Variants in CEP250 observed in about 807,000 individuals in gnomAD.
CEP250 encodes centrosome-associated protein CEP250.
Under a neutral mutation model 315.7 loss-of-function variants are expected in CEP250, and 242 were observed. The observed-to-expected ratio is 0.77, with a 90% confidence interval of 0.69 to 0.85. CEP250 has a LOEUF of 0.85. Ranked by LOEUF, CEP250 falls within the 40% of genes least tolerant of loss-of-function variation. CEP250 has a pLI of 0.00. For missense variants in CEP250, 2,515 were observed against 2,886.4 expected (o/e 0.87, Z 2.95); for synonymous variants, 1,088 against 1,175.0 (o/e 0.93, Z 1.51).
chr20:35,499,226 G>T (rs1232362554), intron 27 of CEP250, among the ~76,000 whole-genome samples: 1 of 152,200 alleles, frequency 6.6e-6, no homozygotes, highest in Non-Finnish European at 1.5e-5. Flanking sequence ...AGTGAGCCAA[G>T]ATTGTGCCAT....
rs1440725691 is a variant in CEP250, at chr20:35,512,363, G to T, written c.*737G>T. 1 of 152,242 alleles carries T rather than the reference G, an allele frequency of 6.6e-6. No individual in the cohort carries two copies. The highest frequency in any genetic ancestry group is 1.5e-5 in the Non-Finnish European group (1 of 68,104). 9.4% of individuals were successfully genotyped at this position (152,242 alleles called of 1,614,324 possible). A position where few individuals can be genotyped will look rare whatever the true frequency, so the allele number is the denominator to read the frequency against. On this transcript the variant is annotated 3_prime_UTR_variant, in exon 35 of 35. Transcript: ENST00000397527. ...CAGGGGGTTGGGGCTGAGCTTGGGTGGGTTGAGCGGGGAGATTTTGGAGGG... is the reference window on the plus strand; with the variant it reads ...CAGGGGGTTGGGGCTGAGCTTGGGTTGGTTGAGCGGGGAGATTTTGGAGGG...
Position 35,479,240 on chromosome 20 carries a change from C to T in CEP250, c.2104C>T (p.Gln702Ter). The change falls in exon 18 of 35, where the codon CAG (glutamine) becomes TAG (stop). Residue 702 changes from glutamine to a stop codon, truncating the protein, a stop_gained. Coordinates refer to ENST00000397527, the MANE Select transcript of CEP250 (RefSeq NM_007186.6). LOFTEE classifies it high-confidence loss of function. ...ACATTCTTCCCCTCAGTCACGTCACCAGCAGGAGGCAGCCACGACTCAGCT... is the reference window on the plus strand; with the variant it reads ...ACATTCTTCCCCTCAGTCACGTCACTAGCAGGAGGCAGCCACGACTCAGCT... ...IQKKLSESRH[Q>*]QEAATTQLEQ... The T allele has an allele frequency of 1.2e-6, 2 of 1,613,744 alleles. No homozygotes were observed. The highest frequency in any genetic ancestry group is 1.3e-5 in the African/African-American group (1 of 75,050).
intron 9 of CEP250, among the ~76,000 whole-genome samples, chr20:35,467,876 T>C (rs2062926508): frequency 6.6e-6 from 1 of 152,016 alleles, no homozygotes; most frequent in Admixed American, 6.5e-5. Context: ...CTGCTGAATT[T>C]AGTCTGGAAT....
rs1330232476 is a variant in CEP250, at chr20:35,502,927, C to T, written c.4558C>T (p.Gln1520Ter). 1 of 1,614,054 alleles carries T rather than the reference C, an allele frequency of 6.2e-7. No homozygotes were observed. The highest frequency in any genetic ancestry group is 8.5e-7 in the Non-Finnish European group (1 of 1,180,056). The part of the protein sequence containing the change: ...IRELEKDRET[Q>*]RNVLEHQLLE... ...AGAGCTCGAGAAGGATCGGGAGACT[C>T]AGAGGAACGTCTTGGAGCATCAGCT... The change falls in exon 30 of 35, where the codon CAG (glutamine) becomes TAG (stop). Residue 1520 changes from glutamine to a stop codon, truncating the protein, a stop_gained. Coordinates refer to ENST00000397527, the MANE Select transcript of CEP250 (RefSeq NM_007186.6). LOFTEE classifies it high-confidence loss of function.
rs1052739486 is a variant in CEP250 at position 35,517,932 on chromosome 20, A to G, written c.*6306A>G. 6.6e-6 allele frequency: 1 copy of G among 151,070 alleles called. No individual in the cohort carries two copies. The highest frequency in any genetic ancestry group is 1.5e-5 in the Non-Finnish European group (1 of 67,866). 9.4% of individuals were successfully genotyped at this position (151,070 alleles called of 1,614,324 possible). On this transcript the variant is annotated 3_prime_UTR_variant, in exon 35 of 35. Transcript: ENST00000397527. Reference sequence around the variant, plus strand: ...TGATGATGTGCCTGTAGTCCCAGCTACTCGGGAGGCTGAGGTGGGAGGATC... The same window carrying G: ...TGATGATGTGCCTGTAGTCCCAGCTGCTCGGGAGGCTGAGGTGGGAGGATC...
intron 20 of CEP250, among the ~76,000 whole-genome samples, chr20:35,486,512 G>T (rs570786125): frequency 1.3e-5 from 2 of 151,994 alleles, no homozygotes; most frequent in East Asian, 3.9e-4. Flanking sequence ...CAAACTGCTG[G>T]GATTATAGGT....
In CEP250 at chr20:35,497,928, C is replaced by T. The variant is rs756411662; in HGVS notation, c.3516C>T (p.Pro1172=). 1.7e-5 allele frequency: 28 copies of T among 1,611,290 alleles called. No homozygotes were observed. The highest frequency in any genetic ancestry group is 1.0e-4 in the Admixed American group (6 of 59,584). ...QLEALAAEQQ[P]GNQAQAQAQL... Reference sequence around the variant, plus strand: ...AAGCGCTGGCCGCAGAGCAGCAGCCCGGGAACCAGGCCCAGGCCCAGGCCC... The same window carrying T: ...AAGCGCTGGCCGCAGAGCAGCAGCCTGGGAACCAGGCCCAGGCCCAGGCCC... Residue 1172 remains proline (P), a synonymous_variant, in exon 26 of 35, where the codon CCC becomes CCT. Transcript: ENST00000397527.
chr20:35,483,597 T>C (rs187618558), intron 20 of CEP250, among the ~76,000 whole-genome samples: 21 of 151,922 alleles, frequency 1.4e-4, no homozygotes, highest in African/African-American at 4.1e-4. Context: ...CTCGAACTCC[T>C]GGGCTCAAGC....
chr20:35,462,373 G>A lies in CEP250; in HGVS notation c.6G>A (p.Glu2=), dbSNP rs778903424. The A allele has an allele frequency of 6.3e-7, 1 of 1,582,738 alleles. No individual in the cohort carries two copies. The highest frequency in any genetic ancestry group is 2.3e-5 in the East Asian group (1 of 43,468). ...GCCTACCACCTGGTGCCCTCATGGA[G>A]ACAAGAAGCCCTGGGTTGAACAACA... M[E]TRSPGLNNMK... The change falls in exon 4 of 35, where the codon GAG becomes GAA. Residue 2 remains glutamate (E), a synonymous_variant. Coordinates refer to ENST00000397527, the MANE Select transcript of CEP250 (RefSeq NM_007186.6).
intron 33 of CEP250, among the ~76,000 whole-genome samples, chr20:35,509,255 G>A (rs1318476617): frequency 6.6e-6 from 1 of 152,180 alleles, no homozygotes; most frequent in African/African-American, 2.4e-5. Flanking sequence ...GTGGCTAGTG[G>A]CCCTGCCTTC....
chr20:35,456,446 T>C (rs2062627056), intron 1 of CEP250, among the ~76,000 whole-genome samples: 1 of 152,186 alleles, frequency 6.6e-6, no homozygotes, highest in Non-Finnish European at 1.5e-5. Flanking sequence ...GCTAGGCTTG[T>C]GATCAGTATT....
chr20:35,511,527 G>T lies in CEP250; in HGVS notation c.7230G>T (p.Glu2410Asp). ...QAPEATVLEA[E>D]TRRLDESLTQ... ...CTGAGGCCACTGTCCTGGAGGCAGA[G>T]ACCCGCAGGCTGGATGAGTCCCTGA... The change falls in exon 35 of 35, where the codon GAG becomes GAT. Residue 2410 changes from glutamate to aspartate, a missense_variant. Physicochemically the swap from Glu to Asp is conservative, Grantham distance 45. Coordinates refer to ENST00000397527, the MANE Select transcript of CEP250 (RefSeq NM_007186.6). 1 of 1,614,140 alleles carries T rather than the reference G, an allele frequency of 6.2e-7. No individual in the cohort carries two copies. Among genetic ancestry groups the T allele is most frequent in the Non-Finnish European group, 8.5e-7 (1 of 1,180,020 alleles).
At chr20:35,461,324 C>G (rs1343303423) in intron 3 of CEP250, among the ~76,000 whole-genome samples, 2 of 152,190 alleles carry the variant, frequency 1.3e-5, no homozygotes, top group Non-Finnish European at 2.9e-5. Context: ...ACCCTCATTT[C>G]TGGATGAGGG....
chr20:35,500,807 C>T (rs1430007620), intron 28 of CEP250, among the ~76,000 whole-genome samples: 1 of 152,122 alleles, frequency 6.6e-6, no homozygotes, highest in Admixed American at 6.6e-5. Context: ...TTTGCTTGGC[C>T]TTTGAGGCCC....
intron 1 of CEP250, among the ~76,000 whole-genome samples, chr20:35,457,373 T>TTTTA (rs1028177793): frequency 2.6e-5 from 4 of 151,944 alleles, no homozygotes. Flanking sequence ...GGTGATAGTA[T>TTTTA]TTTATTTATT....
rs541164439 is a variant in CEP250, at chr20:35,499,903, T to C, written c.3778-146T>C. On this transcript the variant is annotated intron_variant, in intron 27 of 34. Coordinates refer to ENST00000397527, the MANE Select transcript of CEP250 (RefSeq NM_007186.6). Reference sequence around the variant, plus strand: ...CACTTCAGGAAGCTAAATACACATGTGTTTAAAGGAAGTAACCCGGCAATC... The same window carrying C: ...CACTTCAGGAAGCTAAATACACATGCGTTTAAAGGAAGTAACCCGGCAATC... 1.0e-5 allele frequency: 9 copies of C among 888,706 alleles called. No individual in the cohort carries two copies. The African/African-American group carries it at 1.3e-4, about 13-fold the overall frequency. The allele number at this position is 888,706 out of a possible 1,614,324, so 55.1% of individuals were successfully genotyped here.
intron 20 of CEP250, chr20:35,481,398 CAG>C (rs1437172186): frequency 1.3e-5 from 2 of 152,222 alleles, no homozygotes; most frequent in Non-Finnish European, 2.9e-5. Context: ...GCCTGAGTGA[CAG>C]AGTGAGACCC....
At chr20:35,491,590 G>A (rs1043419766) in intron 22 of CEP250, among the ~76,000 whole-genome samples, 3 of 152,094 alleles carry the variant, frequency 2.0e-5, no homozygotes, top group African/African-American at 7.2e-5. Flanking sequence ...GCAACATGGT[G>A]AAACCCATCT....
chr20:35,494,288 A>G (rs1187868820), intron 23 of CEP250: 1 of 464,262 alleles, frequency 2.2e-6, no homozygotes, highest in African/African-American at 2.0e-5. Context: ...CAAGATTTTT[A>G]TTTGTGCCTG....
Sources: gnomAD v4.1 joint callset for allele counts (sites outside exome capture counted in the v4.1 genomes callset) on GRCh38, gnomAD v4.1.1 for gene constraint, MANE v1.5 for transcripts, NCBI Gene and HGNC (gene_info 2026-07-23, HGNC 2026-07-21) for gene names.